Variants in MYO9A observed in about 807,000 individuals in gnomAD.
MYO9A encodes myosin IXA.
A neutral mutation model predicts 293.3 loss-of-function variants in MYO9A; 103 were observed. The ratio of observed to expected loss-of-function variants is 0.35; its 90% CI spans 0.30 to 0.41. The LOEUF (loss-of-function observed/expected upper bound fraction) is 0.41, where lower values mean the gene tolerates loss of function less well. Among genes scored for constraint, MYO9A ranks in the 10% least tolerant of loss-of-function variants. MYO9A has a pLI of 1.00. For missense variants in MYO9A, 2,685 were observed against 3,033.0 expected (o/e 0.89, Z 2.69); for synonymous variants, 1,001 against 1,035.7 (o/e 0.97, Z 0.64).
At chr15:71,993,440 A>T (rs1453096076) in intron 10 of MYO9A, among the ~76,000 whole-genome samples, 2 of 152,198 alleles carry the variant, frequency 1.3e-5, no homozygotes, top group Admixed American at 6.5e-5. Context: ...AAGTTATTTT[A>T]AAAATACAGA....
At chr15:71,925,793 G>A (rs921866182) in intron 18 of MYO9A, among the ~76,000 whole-genome samples, 1 of 152,074 alleles carries the variant, frequency 6.6e-6, no homozygotes, top group African/African-American at 2.4e-5. Context: ...CATCATACTA[G>A]AGATTTAAAA....
At chr15:71,857,736 A>G (rs2055920073) in intron 34 of MYO9A, among the ~76,000 whole-genome samples, 1 of 151,986 alleles carries the variant, frequency 6.6e-6, no homozygotes, top group Non-Finnish European at 1.5e-5. Context: ...AGGTAAAAGT[A>G]TATAAAGGTA....
chr15:71,959,848 TAAA>T (rs5813671), intron 14 of MYO9A, 50 bp downstream of exon 14: 652 of 1,146,834 alleles, frequency 5.7e-4, no homozygotes, highest in Middle Eastern at 6.6e-4. Flanking sequence ...AGTAGAAAGG[TAAA>T]AAAAAAAAAA....
intron 32 of MYO9A, among the ~76,000 whole-genome samples, chr15:71,865,079 TAAAC>T (rs2056279107): frequency 1.3e-5 from 2 of 152,320 alleles, no homozygotes; most frequent in Admixed American, 1.3e-4. Flanking sequence ...TTCACTAAAT[TAAAC>T]TTCCAAATGT....
intron 21 of MYO9A, among the ~76,000 whole-genome samples, 155 bp from the exon 22 acceptor site, chr15:71,903,218 C>T (rs2057534639): frequency 6.6e-6 from 1 of 151,772 alleles, no homozygotes; most frequent in African/African-American, 2.4e-5. Context: ...AAGGTTAATT[C>T]GGAAAACATA....
rs182324799 is a variant in MYO9A, at chr15:72,035,349, A to G, written c.841-2761T>C. Among the ~76,000 whole-genome samples, 440 of 149,032 alleles carry G rather than the reference A, an allele frequency of 3.0e-3. 2 individuals carry two copies. The highest frequency in any genetic ancestry group is 4.0e-3 in the Non-Finnish European group (269 of 66,948). ...CAAACATTATCATCAGCTTTTTGAC[A>G]GTCAAAGCTTGAAAATAACGAAATG... On this transcript the variant is annotated intron_variant, in intron 2 of 41. Transcript: ENST00000356056.
intron 15 of MYO9A, among the ~76,000 whole-genome samples, chr15:71,948,838 T>C (rs2058982773): frequency 6.6e-6 from 1 of 152,124 alleles, no homozygotes; most frequent in Admixed American, 6.5e-5. Flanking sequence ...TAACACATCA[T>C]AGCAACAGTG....
intron 34 of MYO9A, among the ~76,000 whole-genome samples, chr15:71,856,684 A>G (rs188452698): frequency 7.2e-5 from 11 of 152,226 alleles, no homozygotes; most frequent in African/African-American, 2.7e-4. Context: ...CATGCTCTGC[A>G]TTCCAGCTCT....
At position 71,991,249 on chromosome 15, in the gene MYO9A, G is replaced by A. The variant is rs375897208; in HGVS notation, c.1588-12C>T. On this transcript the variant is annotated splice_polypyrimidine_tract_variant and intron_variant, in intron 10 of 41. Transcript: ENST00000356056. ...CCAATAGACAATGTCTGTAAAACAA[G>A]AGAAAGTTTTGATTAAAAGTAATGT... 3.2e-6 allele frequency: 5 copies of A among 1,563,422 alleles called. No homozygotes were observed. In the African/African-American group the frequency reaches 4.1e-5, roughly 13 times the overall value.
chr15:71,872,563 G>A (rs553285974), intron 32 of MYO9A, among the ~76,000 whole-genome samples: 1 of 152,002 alleles, frequency 6.6e-6, no homozygotes, highest in African/African-American at 2.4e-5. Context: ...TTCATGTAAC[G>A]AATACTCACA....
intron 18 of MYO9A, among the ~76,000 whole-genome samples, chr15:71,932,611 A>G (rs540354862): frequency 1.1e-4 from 16 of 151,704 alleles, no homozygotes; most frequent in African/African-American, 3.6e-4. Flanking sequence ...AGAAGTATAC[A>G]GACAAACCCC....
chr15:71,834,895 A>G (rs899293737), intron 39 of MYO9A, among the ~76,000 whole-genome samples: 1 of 152,156 alleles, frequency 6.6e-6, no homozygotes, highest in Non-Finnish European at 1.5e-5. Context: ...GTAATATAAA[A>G]ATTTTAAATA....
chr15:71,883,700 C>T lies in MYO9A; in HGVS notation c.5292G>A (p.Gly1764=). ...QRAKMRFWAK[G]KQGEKKTTRV... ...TGGTAGTCTTCTTCTCCCCTTGTTT[C>T]CCTTTGGCCCAGAATCTCATCTTAG... is the stretch of plus-strand genomic sequence containing the variant. The change falls in exon 28 of 42, where the codon GGG becomes GGA. Residue 1764 remains glycine (G), a synonymous_variant. Coordinates refer to ENST00000356056, the MANE Select transcript of MYO9A (RefSeq NM_006901.4). The T allele has an allele frequency of 6.2e-7, 1 of 1,613,304 alleles. No homozygotes were observed. Among genetic ancestry groups the T allele is most frequent in the Admixed American group, 1.7e-5 (1 of 59,860 alleles).
At chr15:72,075,987 T>C (rs998833540) in intron 1 of MYO9A, among the ~76,000 whole-genome samples, 1 of 152,084 alleles carries the variant, frequency 6.6e-6, no homozygotes, top group Non-Finnish European at 1.5e-5. Context: ...ACTGAAGGCA[T>C]GAAGACTGGA....
At chr15:72,086,644 G>C (rs2079740380) in intron 1 of MYO9A, among the ~76,000 whole-genome samples, 1 of 152,106 alleles carries the variant, frequency 6.6e-6, no homozygotes, top group African/African-American at 2.4e-5. Flanking sequence ...TGTGTGTTGG[G>C]GGGGCCGGGG....
At position 71,826,320 on chromosome 15, in the gene MYO9A, C is replaced by G; in HGVS notation, c.*260G>C. ...AGAGGCAACTACAACTGACCCAAAT[C>G]CCCAGGCCCTAGGTGGCTTTGTATA... On this transcript the variant is annotated 3_prime_UTR_variant, in exon 42 of 42. Coordinates refer to ENST00000356056, the MANE Select transcript of MYO9A (RefSeq NM_006901.4). 2.5e-6 allele frequency: 1 copy of G among 404,526 alleles called. No individual in the cohort carries two copies. The highest frequency in any genetic ancestry group is 4.4e-6 in the Non-Finnish European group (1 of 228,998). 25.1% of individuals were successfully genotyped at this position (404,526 alleles called of 1,614,324 possible).
chr15:71,830,420 A>G (rs1356087478), intron 39 of MYO9A, 109 bp from the exon 40 acceptor site: 5 of 1,024,084 alleles, frequency 4.9e-6, no homozygotes, highest in Non-Finnish European at 5.9e-6. Context: ...AATGATAAGA[A>G]TAAATGGAAA....
chr15:71,932,502 C>G (rs2058505569), intron 18 of MYO9A, among the ~76,000 whole-genome samples: 1 of 151,712 alleles, frequency 6.6e-6, no homozygotes. Context: ...TCAGGAAACG[C>G]TGGAACTCAC....
chr15:72,008,164 C>T (rs2077067707), intron 7 of MYO9A, among the ~76,000 whole-genome samples: 1 of 152,108 alleles, frequency 6.6e-6, no homozygotes, highest in African/African-American at 2.4e-5. Context: ...AAGTATACCA[C>T]TTCTTATATA....
Sources: gnomAD v4.1 joint callset for allele counts (sites outside exome capture counted in the v4.1 genomes callset) on GRCh38, gnomAD v4.1.1 for gene constraint, MANE v1.5 for transcripts, NCBI Gene and HGNC (gene_info 2026-07-23, HGNC 2026-07-21) for gene names.